Variants in DACT1 observed in about 807,000 individuals in gnomAD.
The protein encoded by DACT1 is dapper homolog 1.
DACT1 carries 19 observed loss-of-function variants against 35.3 expected under a neutral mutation model. The ratio of observed to expected loss-of-function variants is 0.54; its 90% confidence interval spans 0.38 to 0.79. The LOEUF (loss-of-function observed/expected upper bound fraction) is 0.79. DACT1 is among the 30% of genes least tolerant of loss of function. The probability of loss-of-function intolerance (pLI) is 0.00; values close to 1 mark genes in which losing one functional copy is unlikely to be tolerated. For synonymous variants in DACT1, 545 were observed against 466.7 expected (o/e 1.17, Z -2.16); for missense variants, 1,143 against 1,057.5 (o/e 1.08, Z -1.12).
In DACT1 at chr14:58,645,982, A is replaced by C. The variant is rs1463083663; in HGVS notation, c.1248A>C (p.Pro416=). The C allele has an allele frequency of 1.9e-6, 3 of 1,613,712 alleles. No homozygotes were observed. Among genetic ancestry groups the C allele is most frequent in the East Asian group, 4.5e-5 (2 of 44,884 alleles). ...AASDLQSKHL[P]KTAKPASQEH... The stretch of plus-strand genomic sequence containing the variant: ...CCGACCTTCAGAGTAAGCACCTGCC[A>C]AAAACGGCCAAGCCAGCCTCGCAAG... The change falls in exon 4 of 4, where the codon CCA becomes CCC. Residue 416 remains proline, a synonymous_variant. Coordinates refer to ENST00000395153, the MANE Select transcript of DACT1 (RefSeq NM_001079520.2).
rs1034860449 is a variant in DACT1 at position 58,646,570 on chromosome 14, G to A, written c.1836G>A (p.Gly612=). ...GTGTTCCCGGCAGGCCCGCGGGCGG[G>A]GGCCACAGGGCGGGGAGCAGGGCGC... The part of the protein sequence containing the change: ...EAGVPGRPAG[G]GHRAGSRAHG... The change falls in exon 4 of 4, where the codon GGG becomes GGA. Residue 612 remains glycine, a synonymous_variant. Transcript: ENST00000395153. 2.6e-6 allele frequency: 4 copies of A among 1,565,974 alleles called. No individual in the cohort carries two copies. Among genetic ancestry groups the A allele is most frequent in the African/African-American group, 1.4e-5 (1 of 73,250 alleles).
intron 3 of DACT1, among the ~76,000 whole-genome samples, chr14:58,644,255 A>T (rs2047652713): frequency 6.6e-6 from 1 of 152,214 alleles, no homozygotes; most frequent in South Asian, 2.1e-4. Flanking sequence ...ATATTACCAC[A>T]TGATCTTTTA....
At chr14:58,643,656 C>T (rs1051239905) in intron 3 of DACT1, among the ~76,000 whole-genome samples, 6 of 152,168 alleles carry the variant, frequency 3.9e-5, no homozygotes, top group Admixed American at 2.0e-4. Flanking sequence ...AAGACAGACC[C>T]GTGCTCTTCC....
At chr14:58,645,069 T>C (rs937018321) in intron 3 of DACT1, among the ~76,000 whole-genome samples, 1 of 152,236 alleles carries the variant, frequency 6.6e-6, no homozygotes, top group African/African-American at 2.4e-5. Flanking sequence ...TATCATATGC[T>C]GTCAAAAATT....
upstream of DACT1, among the ~76,000 whole-genome samples, chr14:58,636,045 G>C (rs746271547): frequency 3.9e-5 from 6 of 152,168 alleles, no homozygotes; most frequent in Non-Finnish European, 7.3e-5. Context: ...GCAACAGCAG[G>C]CATAAAGAAT....
At chr14:58,637,043 A>G (rs1294275465), upstream of DACT1, among the ~76,000 whole-genome samples, 2 of 152,232 alleles carry the variant, frequency 1.3e-5, no homozygotes, top group African/African-American at 4.8e-5. Context: ...TAATTCTTCA[A>G]CAGCAGGTTC....
rs1188862719 is a variant in DACT1 at position 58,646,418 on chromosome 14, C to CCCA, written c.1687_1689dup (p.Thr563dup). The CCCA allele has an allele frequency of 3.8e-6, 6 of 1,598,178 alleles. No homozygotes were observed. In the African/African-American group the frequency reaches 6.8e-5, roughly 18 times the overall value. ...CCTCCAGGGGCTGGAGAACGGCTTGCCCACCGTCAGGGAGAAAACGCGGGC... is the reference window on the plus strand; with the variant it reads ...CCTCCAGGGGCTGGAGAACGGCTTGCCCACCACCGTCAGGGAGAAAACGCGGGC... On this transcript the variant is annotated inframe_insertion, in exon 4 of 4. Transcript: ENST00000395153.
intron 3 of DACT1, among the ~76,000 whole-genome samples, chr14:58,642,016 G>A (rs917324186): frequency 2.0e-5 from 3 of 152,182 alleles, no homozygotes; most frequent in African/African-American, 7.2e-5. Flanking sequence ...TGTAGGTCTT[G>A]AGCTCTGTTT....
upstream of DACT1, among the ~76,000 whole-genome samples, chr14:58,636,199 T>G (rs565802220): frequency 6.6e-6 from 1 of 152,150 alleles, no homozygotes; most frequent in Non-Finnish European, 1.5e-5. Flanking sequence ...GGGAGGAAAG[T>G]GAAAGGTGGC....
Position 58,641,604 on chromosome 14 carries a change from T to C in DACT1, c.491T>C (p.Leu164Pro), listed in dbSNP as rs1338274404. Reference sequence around the variant, plus strand: ...TTTTTATTTGTAGGGTTTTATGAGCTGAGTGATGGGGCTTCAGGATCCCTT... The same window carrying C: ...TTTTTATTTGTAGGGTTTTATGAGCCGAGTGATGGGGCTTCAGGATCCCTT... ...DSRPSSGFYE[L>P]SDGASGSLSN... Residue 164 changes from leucine to proline, a missense_variant, in exon 3 of 4, where the codon CTG becomes CCG. Transcript: ENST00000395153. 6.2e-7 allele frequency: 1 copy of C among 1,613,636 alleles called. No individual in the cohort carries two copies. Among genetic ancestry groups the C allele is most frequent in the Non-Finnish European group, 8.5e-7 (1 of 1,179,916 alleles).
In DACT1 at chr14:58,643,043, A is replaced by T. The variant is rs1288435007; in HGVS notation, c.634+1296A>T. Among the ~76,000 whole-genome samples the T allele has an allele frequency of 2.0e-5, 3 of 152,344 alleles. No homozygotes were observed. The East Asian group carries it at 5.8e-4, about 29-fold the overall frequency. ...TTAGCTCCATTTTATGTATTAAAAAAATGAGTCCTAGTAAGGTTACATATG... is the reference window on the plus strand; with the variant it reads ...TTAGCTCCATTTTATGTATTAAAAATATGAGTCCTAGTAAGGTTACATATG... On this transcript the variant is annotated intron_variant, in intron 3 of 3. Coordinates refer to ENST00000395153, the MANE Select transcript of DACT1 (RefSeq NM_001079520.2).
At position 58,638,335 on chromosome 14, in the gene DACT1, C is replaced by T. The variant is rs778976254; in HGVS notation, c.133C>T (p.Arg45Trp). The change falls in exon 1 of 4, where the codon CGG becomes TGG. Residue 45 changes from arginine (R) to tryptophan (W), a missense_variant. Arg to Trp is a moderately radical substitution (Grantham distance 101). Around this residue, in one of 3 missense-constraint regions of DACT1, gnomAD observed 85 missense variants for 81.8 expected, o/e 1.04. Coordinates refer to ENST00000395153, the MANE Select transcript of DACT1 (RefSeq NM_001079520.2). Reference sequence around the variant, plus strand: ...GGCAGACACCGAGCGGCAGCGCACCCGGGAGCGGCAGGAGGCCACGCTGGC... The same window carrying T: ...GGCAGACACCGAGCGGCAGCGCACCTGGGAGCGGCAGGAGGCCACGCTGGC... ...GEADTERQRT[R>W]ERQEATLAGL... The T allele has an allele frequency of 2.9e-5, 38 of 1,315,032 alleles. No homozygotes were observed. The South Asian group carries it at 3.3e-4, about 11-fold the overall frequency. 81.5% of individuals were successfully genotyped at this position (1,315,032 alleles called of 1,614,324 possible).
rs2047680908 is a variant in DACT1, at chr14:58,646,303, C to G, written c.1569C>G (p.Ile523Met). 6.2e-7 allele frequency: 1 copy of G among 1,610,710 alleles called. No individual in the cohort carries two copies. Among genetic ancestry groups the G allele is most frequent in the African/African-American group, 1.3e-5 (1 of 74,650 alleles). Residue 523 changes from isoleucine to methionine, a missense_variant, in exon 4 of 4, where the codon ATC becomes ATG. Ile to Met is a conservative substitution (Grantham distance 10). Transcript: ENST00000395153. ...EEAHLVKAQFIPGQQPSVRLH... is the reference protein window; with the variant it reads ...EEAHLVKAQFMPGQQPSVRLH... Reference sequence around the variant, plus strand: ...CGCACCTGGTCAAGGCCCAGTTTATCCCGGGGCAGCAGCCCAGTGTCAGGC... The same window carrying G: ...CGCACCTGGTCAAGGCCCAGTTTATGCCGGGGCAGCAGCCCAGTGTCAGGC...
In DACT1 at chr14:58,646,617, T is replaced by G; in HGVS notation, c.1883T>G (p.Val628Gly). The G allele has an allele frequency of 6.2e-7, 1 of 1,605,570 alleles. No individual in the cohort carries two copies. The highest frequency in any genetic ancestry group is 8.5e-7 in the Non-Finnish European group (1 of 1,176,428). Reference protein sequence around the residue: ...SRAHGHGREAVVAKPKHKRTD... With the variant: ...SRAHGHGREAGVAKPKHKRTD... ...GCGCATGGCCACGGACGGGAGGCGG[T>G]GGTGGCCAAACCTAAGCACAAGCGA... Residue 628 changes from valine to glycine, a missense_variant, in exon 4 of 4, where the codon GTG becomes GGG. Physicochemically the swap from Val to Gly is moderately radical, Grantham distance 109 (BLOSUM62 -3). Coordinates refer to ENST00000395153, the MANE Select transcript of DACT1 (RefSeq NM_001079520.2).
Position 58,647,127 on chromosome 14 carries a change from C to T in DACT1, c.2393C>T (p.Thr798Met). The change falls in exon 4 of 4, where the codon ACG (threonine) becomes ATG (methionine). Residue 798 changes from threonine (T) to methionine (M), a missense_variant. By Grantham distance (81) the Thr-to-Met change is moderately conservative. Transcript: ENST00000395153. ...TCTGGCTCTTTGAAACTGATGACGACGGTTTGAGTGACATCATTGGTGTAG... is the reference window on the plus strand; with the variant it reads ...TCTGGCTCTTTGAAACTGATGACGATGGTTTGAGTGACATCATTGGTGTAG... ...FRSGSLKLMTTV is the reference protein window; with the variant it reads ...FRSGSLKLMTMV The T allele has an allele frequency of 1.2e-6, 2 of 1,613,648 alleles. No individual in the cohort carries two copies. The highest frequency in any genetic ancestry group is 1.3e-5 in the African/African-American group (1 of 74,950).
At position 58,648,257 on chromosome 14, in the gene DACT1, A is replaced by G. The variant is rs2047714912; in HGVS notation, c.*1123A>G. The G allele has an allele frequency of 6.0e-6, 1 of 167,192 alleles. No individual in the cohort carries two copies. Among genetic ancestry groups the G allele is most frequent in the Admixed American group, 6.5e-5 (1 of 15,306 alleles). 10.4% of individuals were successfully genotyped at this position (167,192 alleles called of 1,614,324 possible). A position where few individuals can be genotyped will look rare whatever the true frequency, so the allele number is the denominator to read the frequency against. The stretch of plus-strand genomic sequence containing the variant: ...TTTAATATAACATATGCAGTAATAA[A>G]CCATTTGTTTTACTGCTGTTAAGTT... On this transcript the variant is annotated 3_prime_UTR_variant, in exon 4 of 4. Transcript: ENST00000395153.
chr14:58,646,553 G>C lies in DACT1; in HGVS notation c.1819G>C (p.Gly607Arg), dbSNP rs779912459. The change falls in exon 4 of 4, where the codon GGC becomes CGC. Residue 607 changes from glycine (G) to arginine (R), a missense_variant. Gly to Arg is a moderately radical substitution (Grantham distance 125). This residue lies in a region of DACT1 where 1,054 missense variants were observed against 958.8 expected (regional missense o/e 1.10). Transcript: ENST00000395153. ...SGGGPEAGVP[G>R]RPAGGGHRAG... ...GGGCGGGCCCGAGGCTGGTGTTCCC[G>C]GCAGGCCCGCGGGCGGGGGCCACAG... 4.9e-5 allele frequency: 76 copies of C among 1,557,010 alleles called. No homozygotes were observed. The highest frequency in any genetic ancestry group is 6.2e-5 in the Non-Finnish European group (72 of 1,153,554).
intron 3 of DACT1, among the ~76,000 whole-genome samples, chr14:58,642,397 T>C (rs892372236): frequency 2.0e-5 from 3 of 151,806 alleles, no homozygotes; most frequent in Non-Finnish European, 2.9e-5. Flanking sequence ...TGAGGGAGAA[T>C]TGCTTGAACC....
chr14:58,634,730 C>T (rs464582), upstream of DACT1, among the ~76,000 whole-genome samples: 99,960 of 152,160 alleles, frequency 0.66, 34,207 homozygotes, highest in African/African-American at 0.85. Context: ...CAACTGATGC[C>T]CCTTACTTTG....
Sources: gnomAD v4.1 joint callset for allele counts (sites outside exome capture counted in the v4.1 genomes callset) on GRCh38, gnomAD v4.1.1 for gene constraint, gnomAD v4.1.1 regional missense constraint, MANE v1.5 for transcripts, NCBI Gene and HGNC (gene_info 2026-07-23, HGNC 2026-07-21) for gene names.